ANKRD30BL: variants seen among roughly 807,000 people sequenced by gnomAD.
ANKRD30BL encodes the protein ankyrin repeat domain 30B like, also known as putative ankyrin repeat domain-containing protein 30B-like.
A neutral mutation model predicts 18.4 loss-of-function variants in ANKRD30BL; 20 were observed. The ratio of observed to expected loss-of-function variants is 1.09; its 90% CI spans 0.77 to 1.58. ANKRD30BL has a LOEUF of 1.58. Ranked by LOEUF, ANKRD30BL falls within the 40% of genes most tolerant of loss-of-function variation. The probability of loss-of-function intolerance (pLI) is 0.00; values close to 1 mark genes in which losing one functional copy is unlikely to be tolerated. For synonymous variants in ANKRD30BL, 72 were observed against 100.9 expected, an observed-to-expected ratio of 0.71 and a Z score of 1.72; for missense variants, 224 against 268.6, an observed-to-expected ratio of 0.83 and a Z score of 1.16.
chr2:132,194,898 T>C (rs1472047831), intron 1 of ANKRD30BL, among the ~76,000 whole-genome samples: 2 of 152,194 alleles, frequency 1.3e-5, no homozygotes, highest in African/African-American at 4.8e-5. Context: ...GCAAATACCA[T>C]CCCATCTTAT....
At chr2:132,253,389 C>G (rs1680719448) in intron 1 of ANKRD30BL, 1 of 152,416 alleles carries the variant, frequency 6.6e-6, no homozygotes, top group African/African-American at 2.4e-5. Context: ...TTACCTCAGG[C>G]TGGCCAGTCA....
chr2:132,198,301 TTTCTTTCTTTCTTTCTTTCTTTC>T (rs1223158002), intron 1 of ANKRD30BL, among the ~76,000 whole-genome samples: 454 of 12,138 alleles, frequency 0.037, 10 homozygotes, highest in African/African-American at 0.046. Context: ...TCTTTCTTTC[TTTCTTTCTTTCTTTCTTTCTTTC>T]TTTTTTTTTT....
chr2:132,257,100 G>C (rs1309441048), intron 1 of ANKRD30BL: 1 of 487,384 alleles, frequency 2.1e-6, no homozygotes, highest in Non-Finnish European at 4.1e-6. Flanking sequence ...CGCCTCATGA[G>C]CCCCAGGTCC....
intron 1 of ANKRD30BL, among the ~76,000 whole-genome samples, chr2:132,241,661 G>T (rs1469805181): frequency 3.3e-5 from 5 of 151,012 alleles, no homozygotes; most frequent in Non-Finnish European, 4.4e-5. Context: ...TAGCTTTGTG[G>T]TTTTGTTGGA....
chr2:132,182,210 G>A lies in ANKRD30BL; in HGVS notation n.442-25064C>T, dbSNP rs191469445. ...TACAAAGAAAATTTGTAGGCCGGGC[G>A]CAGTTGCTCAAGCCTGTATCCCAGG... On this transcript the variant is annotated intron_variant and non_coding_transcript_variant, in intron 1 of 4. Coordinates refer to the ANKRD30BL transcript ENST00000470729. Among the ~76,000 whole-genome samples, 635 of 152,136 alleles carry A rather than the reference G, an allele frequency of 4.2e-3. 4 individuals are homozygous for A. Among genetic ancestry groups the A allele is most frequent in the African/African-American group, 0.014 (576 of 41,540 alleles).
rs1486874016 is a variant in ANKRD30BL, at chr2:132,221,885, G to T, written n.441+35644C>A. ...AGGGGGGAGGGGGAGTCAGCCCCCT[G>T]CCCAGCCAGCCGCCCCGTCTGGGAG... On this transcript the variant is annotated intron_variant and non_coding_transcript_variant, in intron 1 of 4. Coordinates refer to the ANKRD30BL transcript ENST00000470729. Among the ~76,000 whole-genome samples the T allele has an allele frequency of 5.8e-5, 7 of 120,354 alleles. No individual in the cohort carries two copies. The South Asian group carries it at 1.0e-3, about 17-fold the overall frequency. The allele number at this position is 120,354 out of a possible 152,430, so 79.0% of individuals were successfully genotyped here. A position where few individuals can be genotyped will look rare whatever the true frequency, so the allele number is the denominator to read the frequency against.
intron 1 of ANKRD30BL, among the ~76,000 whole-genome samples, chr2:132,232,383 C>T (rs1320042239): frequency 2.0e-5 from 3 of 152,162 alleles, no homozygotes; most frequent in African/African-American, 7.2e-5. Flanking sequence ...GATCAAATTA[C>T]TCTGAGCTAT....
intron 1 of ANKRD30BL, among the ~76,000 whole-genome samples, chr2:132,222,509 T>C (rs1180245290): frequency 6.6e-6 from 1 of 152,136 alleles, no homozygotes; most frequent in African/African-American, 2.4e-5. Context: ...TCTTCTGCCT[T>C]GGGATCCTGT....
chr2:132,250,692 C>T lies in ANKRD30BL; in HGVS notation n.441+6837G>A, dbSNP rs369562631. The stretch of plus-strand genomic sequence containing the variant: ...TCAGGTTTGGAGCAGAAATGCAATA[C>T]AATCTCTGTTCTTTTGCTCCTCAGA... On this transcript the variant is annotated intron_variant and non_coding_transcript_variant, in intron 1 of 4. Transcript: ENST00000470729. Among the ~76,000 whole-genome samples the T allele has an allele frequency of 3.3e-5, 5 of 152,218 alleles. No homozygotes were observed. The South Asian group carries it at 1.0e-3, about 32-fold the overall frequency.
intron 1 of ANKRD30BL, among the ~76,000 whole-genome samples, chr2:132,212,642 T>G (rs1679386867): frequency 6.6e-6 from 1 of 151,364 alleles, no homozygotes; most frequent in Admixed American, 6.6e-5. Context: ...CAATCTTCAC[T>G]TAAGTACTAG....
intron 1 of ANKRD30BL, among the ~76,000 whole-genome samples, chr2:132,180,553 C>T (rs1006014010): frequency 6.6e-6 from 1 of 152,088 alleles, no homozygotes; most frequent in Admixed American, 6.6e-5. Context: ...CTGCTTTATG[C>T]TTGATAAATC....
At chr2:132,257,448 G>T (rs1414330144) in intron 1 of ANKRD30BL, 1 of 301,638 alleles carries the variant, frequency 3.3e-6, no homozygotes, top group African/African-American at 2.3e-5. Flanking sequence ...GAAGGGGAAG[G>T]CGCGGGCCAC....
At chr2:132,155,247 A>G (rs186275955) in intron 3 of ANKRD30BL, 3 of 152,400 alleles carry the variant, frequency 2.0e-5, no homozygotes, top group Admixed American at 2.0e-4. Flanking sequence ...AAAACTGTGA[A>G]TTAAATATTC....
At chr2:132,255,178 G>A (rs147001938) in intron 1 of ANKRD30BL, among the ~76,000 whole-genome samples, 1 of 150,624 alleles carries the variant, frequency 6.6e-6, no homozygotes, top group Non-Finnish European at 1.5e-5. Flanking sequence ...TCCGACTTTC[G>A]TTCTTGATTA....
intron 1 of ANKRD30BL, among the ~76,000 whole-genome samples, chr2:132,199,265 C>T (rs1679045117): frequency 1.3e-5 from 2 of 152,026 alleles, no homozygotes; most frequent in East Asian, 2.0e-4. Flanking sequence ...GAGGCTGAGA[C>T]AAGAGAATCG....
intron 1 of ANKRD30BL, among the ~76,000 whole-genome samples, chr2:132,208,532 A>C (rs1364249138): frequency 6.6e-6 from 1 of 152,166 alleles, no homozygotes; most frequent in Non-Finnish European, 1.5e-5. Context: ...GTTCCTGAGT[A>C]CAAAATTATG....
chr2:132,223,154 G>T (rs112101208), intron 1 of ANKRD30BL, among the ~76,000 whole-genome samples: 12 of 152,224 alleles, frequency 7.9e-5, no homozygotes, highest in African/African-American at 2.9e-4. Context: ...ACTTCTTTGC[G>T]ATGTGTACAT....
At chr2:132,186,967 A>G (rs1217038539) in intron 1 of ANKRD30BL, among the ~76,000 whole-genome samples, 2 of 152,026 alleles carry the variant, frequency 1.3e-5, no homozygotes, top group African/African-American at 4.8e-5. Flanking sequence ...TGCCAGGTTG[A>G]AAATTGTCAT....
chr2:132,170,364 A>T (rs181521266), intron 1 of ANKRD30BL, among the ~76,000 whole-genome samples: 1,716 of 152,242 alleles, frequency 0.011, 28 homozygotes, highest in African/African-American at 0.038. Flanking sequence ...GAGTCCTGCT[A>T]CCCAGCTTCC....
Sources: gnomAD v4.1 joint callset for allele counts (sites outside exome capture counted in the v4.1 genomes callset) on GRCh38, gnomAD v4.1.1 for gene constraint, MANE v1.5 for transcripts, NCBI Gene and HGNC (gene_info 2026-07-23, HGNC 2026-07-21) for gene names.